The following OLA1 variants were observed in gnomAD, a reference collection of about 807,000 sequenced individuals.
OLA1 encodes the protein Obg like ATPase 1.
A neutral mutation model predicts 48.4 loss-of-function variants in OLA1; 14 were observed. The observed-to-expected ratio is 0.29, with a 90% CI of 0.19 to 0.45. The LOEUF (loss-of-function observed/expected upper bound fraction) is 0.45. Among genes scored for constraint, OLA1 ranks in the 20% least tolerant of loss-of-function variants. The pLI, the probability that OLA1 is intolerant of heterozygous loss-of-function variation, is 1.00. For missense variants in OLA1, 325 were observed against 467.1 expected (o/e 0.70, Z 2.80); for synonymous variants, 127 against 150.4 (o/e 0.84, Z 1.14).
intron 7 of OLA1, among the ~76,000 whole-genome samples, chr2:174,114,956 C>G (rs576767440): frequency 1.3e-4 from 20 of 152,196 alleles, no homozygotes; most frequent in African/African-American, 4.8e-4. Context: ...ATGGGAAACC[C>G]TGACTCTTAC....
At chr2:174,121,444 A>T (rs970586157) in intron 7 of OLA1, among the ~76,000 whole-genome samples, 1 of 152,176 alleles carries the variant, frequency 6.6e-6, no homozygotes, top group Non-Finnish European at 1.5e-5. Context: ...CTTCTGGAAC[A>T]TCATTCAGTT....
chr2:174,216,457 C>A (rs377281961), intron 4 of OLA1, among the ~76,000 whole-genome samples: 1 of 152,144 alleles, frequency 6.6e-6, no homozygotes, highest in East Asian at 1.9e-4. Flanking sequence ...AGACTGAGGT[C>A]TGCACCTGGG....
chr2:174,224,765 T>C (rs1156936394), intron 3 of OLA1, among the ~76,000 whole-genome samples: 1 of 152,178 alleles, frequency 6.6e-6, no homozygotes, highest in Non-Finnish European at 1.5e-5. Context: ...AGATCTATCC[T>C]GTGACCACAA....
chr2:174,170,928 T>C (rs1251300545), intron 4 of OLA1, among the ~76,000 whole-genome samples: 11 of 151,952 alleles, frequency 7.2e-5, no homozygotes, highest in Admixed American at 7.2e-4. Context: ...CACGGATAGG[T>C]TGAAAGTAAA....
At chr2:174,098,921 G>C (rs1405122736) in intron 7 of OLA1, among the ~76,000 whole-genome samples, 1 of 152,088 alleles carries the variant, frequency 6.6e-6, no homozygotes, top group East Asian at 1.9e-4. Context: ...ATCTGAGAAG[G>C]CAGGTCTAAG....
chr2:174,158,092 G>C (rs1558981870), intron 4 of OLA1, among the ~76,000 whole-genome samples: 2 of 152,160 alleles, frequency 1.3e-5, no homozygotes, highest in African/African-American at 4.8e-5. Flanking sequence ...TGATCTCCCT[G>C]AGATCTTTCT....
At chr2:174,105,399 T>G (rs1685491301) in intron 7 of OLA1, among the ~76,000 whole-genome samples, 1 of 152,020 alleles carries the variant, frequency 6.6e-6, no homozygotes, top group African/African-American at 2.4e-5. Context: ...TTTGTAGAAT[T>G]TTGAGTTCTG....
At chr2:174,116,591 T>G (rs1039860051) in intron 7 of OLA1, among the ~76,000 whole-genome samples, 3 of 152,172 alleles carry the variant, frequency 2.0e-5, no homozygotes, top group Admixed American at 6.5e-5. Context: ...AGATCAGGTC[T>G]TATCTGTAAC....
At chr2:174,095,693 G>C (rs1261663024) in intron 7 of OLA1, among the ~76,000 whole-genome samples, 2 of 151,970 alleles carry the variant, frequency 1.3e-5, no homozygotes, top group East Asian at 3.9e-4. Context: ...GAGTTAAAAA[G>C]TAAAAAGTTT....
At chr2:174,174,995 G>A (rs771122065) in intron 4 of OLA1, among the ~76,000 whole-genome samples, 41 of 151,870 alleles carry the variant, frequency 2.7e-4, no homozygotes, top group Middle Eastern at 3.2e-3. Context: ...TTTTTGACAC[G>A]GTGCCAGGTT....
rs557297932 is a variant in OLA1 at position 174,115,154 on chromosome 2, T to G, written c.728+8026A>C. 2.6e-4 allele frequency among the ~76,000 whole-genome samples: 40 copies of G among 152,258 alleles called. No homozygotes were observed. In the South Asian group the frequency reaches 8.1e-3, roughly 31 times the overall value. On this transcript the variant is annotated intron_variant, in intron 7 of 10. Coordinates refer to ENST00000284719, the MANE Select transcript of OLA1 (RefSeq NM_013341.5). ...ATTCAATTCAAGGCCAATGTAATAGTGTAATGAGGGTCATCTCGGAATTTG... is the reference window on the plus strand; with the variant it reads ...ATTCAATTCAAGGCCAATGTAATAGGGTAATGAGGGTCATCTCGGAATTTG...
At chr2:174,246,694 A>T in intron 2 of OLA1, 21 bp downstream of exon 2, 1 of 1,460,836 alleles carries the variant, frequency 6.8e-7, no homozygotes, top group East Asian at 2.3e-5. Flanking sequence ...GAAAATCACA[A>T]AAGCCCCAAC....
chr2:174,074,944 G>C lies in OLA1; in HGVS notation c.*482C>G, dbSNP rs1480552166. On this transcript the variant is annotated 3_prime_UTR_variant, in exon 11 of 11. Coordinates refer to ENST00000284719, the MANE Select transcript of OLA1 (RefSeq NM_013341.5). ...AAATTCTGTAATCAGCAACCACCAG[G>C]TGCCGTATCGCATTCAGCACACCAC... 6.5e-6 allele frequency: 1 copy of C among 154,846 alleles called. No homozygotes were observed. The highest frequency in any genetic ancestry group is 1.4e-5 in the Non-Finnish European group (1 of 69,628). 9.6% of individuals were successfully genotyped at this position (154,846 alleles called of 1,614,324 possible).
At chr2:174,121,418 C>T (rs943732082) in intron 7 of OLA1, among the ~76,000 whole-genome samples, 5 of 152,080 alleles carry the variant, frequency 3.3e-5, no homozygotes, top group African/African-American at 9.7e-5. Context: ...CAGAAAATGG[C>T]TATGTGGTAA....
Position 174,082,513 on chromosome 2 carries a change from C to G in OLA1, c.729-449G>C, listed in dbSNP as rs141713059. 4.3e-3 allele frequency among the ~76,000 whole-genome samples: 661 copies of G among 152,228 alleles called. 10 individuals are homozygous for G. In the Middle Eastern group the frequency reaches 0.058, roughly 13 times the overall value. On this transcript the variant is annotated intron_variant, in intron 7 of 10. Coordinates refer to ENST00000284719, the MANE Select transcript of OLA1 (RefSeq NM_013341.5). ...CCCTTCACAAATAAATAATTTGTTC[C>G]AGCCAGATATCTATATGCCTGGTTT...
At position 174,170,271 on chromosome 2, in the gene OLA1, C is replaced by A. The variant is rs544549451; in HGVS notation, c.374-28271G>T. On this transcript the variant is annotated intron_variant, in intron 4 of 10. Coordinates refer to ENST00000284719, the MANE Select transcript of OLA1 (RefSeq NM_013341.5). The stretch of plus-strand genomic sequence containing the variant: ...AAAAATACAAAAACAACAACAACAA[C>A]AAAATAAAAATAAAGGGCACCTGTA... 1.3e-3 allele frequency among the ~76,000 whole-genome samples: 197 copies of A among 151,964 alleles called. 2 individuals carry two copies. Among genetic ancestry groups the A allele is most frequent in the African/African-American group, 4.0e-3 (165 of 41,454 alleles).
intron 5 of OLA1, among the ~76,000 whole-genome samples, chr2:174,126,424 G>T (rs1686045119): frequency 6.6e-6 from 1 of 152,072 alleles, no homozygotes; most frequent in South Asian, 2.1e-4. Flanking sequence ...AGATGTAGGG[G>T]TACTAAATTG....
intron 4 of OLA1, among the ~76,000 whole-genome samples, chr2:174,214,524 C>G (rs1173929007): frequency 6.6e-6 from 1 of 152,088 alleles, no homozygotes; most frequent in Non-Finnish European, 1.5e-5. Context: ...CCATGAGATT[C>G]TAAAAACTTC....
intron 7 of OLA1, among the ~76,000 whole-genome samples, chr2:174,111,394 A>G (rs1442661606): frequency 1.3e-5 from 2 of 152,210 alleles, no homozygotes; most frequent in Admixed American, 1.3e-4. Flanking sequence ...TTTCCAAAAT[A>G]TTTAACTAGA....
Sources: allele counts gnomAD v4.1 joint callset (sites outside exome capture counted in the v4.1 genomes callset), GRCh38; gene constraint gnomAD v4.1.1; transcripts MANE v1.5; gene names NCBI Gene and HGNC (gene_info 2026-07-23, HGNC 2026-07-21).